Variants in CEP112 observed in about 807,000 individuals in gnomAD.
CEP112 encodes the protein centrosomal protein 112.
In CEP112, 127 loss-of-function variants were observed where a neutral mutation model predicts 153.0. The ratio of observed to expected loss-of-function variants is 0.83; its 90% confidence interval spans 0.72 to 0.96. CEP112 has a LOEUF of 0.96. CEP112 is among the 40% of genes least tolerant of loss of function. CEP112 has a pLI of 0.00. For missense variants in CEP112, 1,089 were observed against 1,101.2 expected (o/e 0.99, Z 0.16); for synonymous variants, 358 against 374.4 (o/e 0.96, Z 0.51).
chr17:65,832,417 G>C (rs1450961062), intron 21 of CEP112, among the ~76,000 whole-genome samples: 1 of 146,400 alleles, frequency 6.8e-6, no homozygotes, highest in African/African-American at 2.5e-5. Context: ...TTTGTTTTTT[G>C]GAAAAAAAAA....
intron 17 of CEP112, among the ~76,000 whole-genome samples, chr17:65,971,183 G>A (rs73338615): frequency 8.0e-6 from 1 of 124,830 alleles, no homozygotes; most frequent in Non-Finnish European, 1.8e-5. Flanking sequence ...CACATGTACA[G>A]CACATGCATA....
chr17:66,189,163 T>C (rs983786519), intron 1 of CEP112, among the ~76,000 whole-genome samples: 5 of 152,202 alleles, frequency 3.3e-5, no homozygotes, highest in African/African-American at 9.7e-5. Context: ...ATTTATTATA[T>C]TGGCCATTTA....
intron 1 of CEP112, among the ~76,000 whole-genome samples, chr17:66,185,936 T>C (rs2072912810): frequency 6.6e-6 from 1 of 152,176 alleles, no homozygotes; most frequent in African/African-American, 2.4e-5. Flanking sequence ...CTCTACCCTG[T>C]CTCTGTAAGT....
At chr17:65,938,718 C>A (rs2061426299) in intron 18 of CEP112, among the ~76,000 whole-genome samples, 2 of 152,104 alleles carry the variant, frequency 1.3e-5, no homozygotes, top group African/African-American at 4.8e-5. Context: ...CACACACACA[C>A]AAAAACTGAA....
intron 20 of CEP112, among the ~76,000 whole-genome samples, chr17:65,867,008 AAGG>A (rs1267936730): frequency 6.6e-6 from 1 of 151,802 alleles, no homozygotes; most frequent in Non-Finnish European, 1.5e-5. Context: ...GAGACGAGAG[AAGG>A]AGAAGAGCTG....
At chr17:65,857,985 G>A (rs1011988478) in intron 20 of CEP112, among the ~76,000 whole-genome samples, 1 of 152,106 alleles carries the variant, frequency 6.6e-6, no homozygotes, top group African/African-American at 2.4e-5. Flanking sequence ...AATTTTTATA[G>A]TTTAGGAATT....
At chr17:65,758,893 T>C (rs1237293549) in intron 21 of CEP112, among the ~76,000 whole-genome samples, 1 of 152,130 alleles carries the variant, frequency 6.6e-6, no homozygotes. Context: ...CCAGAGCAAC[T>C]CCATCTTGAA....
chr17:65,954,337 C>T (rs373408296), intron 18 of CEP112, among the ~76,000 whole-genome samples: 2 of 152,248 alleles, frequency 1.3e-5, no homozygotes. Flanking sequence ...CAAGGGAGCA[C>T]CCCATAGGAC....
At chr17:65,640,220 C>G (rs1427618199) in intron 25 of CEP112, among the ~76,000 whole-genome samples, 3 of 129,412 alleles carry the variant, frequency 2.3e-5, no homozygotes. Flanking sequence ...GTGGTGTGAT[C>G]TCGGCTCACT....
intron 23 of CEP112, among the ~76,000 whole-genome samples, chr17:65,707,473 A>G (rs1208062378): frequency 6.6e-6 from 1 of 152,084 alleles, no homozygotes; most frequent in Non-Finnish European, 1.5e-5. Flanking sequence ...AAAGTTCTCC[A>G]ATGACTTACA....
intron 17 of CEP112, among the ~76,000 whole-genome samples, chr17:65,963,299 C>T (rs867636458): frequency 6.5e-4 from 99 of 152,190 alleles, no homozygotes; most frequent in African/African-American, 2.3e-3. Flanking sequence ...TTAACTCACT[C>T]AAACCAAATT....
intron 20 of CEP112, among the ~76,000 whole-genome samples, chr17:65,852,402 C>A (rs1387618918): frequency 9.1e-5 from 1 of 10,976 alleles, no homozygotes; most frequent in African/African-American, 4.1e-4. Flanking sequence ...TCCCTTCCCT[C>A]TCCCTCCCTC....
intron 20 of CEP112, among the ~76,000 whole-genome samples, chr17:65,870,598 C>T (rs1238238669): frequency 2.0e-5 from 3 of 152,032 alleles, no homozygotes; most frequent in East Asian, 3.9e-4. Context: ...AACAAAAATA[C>T]CTTCAAATTG....
intron 6 of CEP112, among the ~76,000 whole-genome samples, chr17:66,125,544 C>G (rs922523319): frequency 1.3e-5 from 2 of 151,630 alleles, no homozygotes; most frequent in African/African-American, 4.8e-5. Flanking sequence ...AGAAAATGGG[C>G]AGGTTTCTAA....
chr17:66,159,434 C>T (rs1028283476), intron 4 of CEP112, among the ~76,000 whole-genome samples: 5 of 152,082 alleles, frequency 3.3e-5, no homozygotes, highest in African/African-American at 1.2e-4. Context: ...TGATGAACAT[C>T]GATGCAAAAA....
intron 16 of CEP112, among the ~76,000 whole-genome samples, chr17:66,016,139 A>G (rs4347664): frequency 0.93 from 141,003 of 152,234 alleles, 65,536 homozygotes; most frequent in East Asian, 0.97. Flanking sequence ...CATAGATATC[A>G]TATCTTCTTG....
chr17:65,933,420 T>C (rs1313349130), intron 18 of CEP112, among the ~76,000 whole-genome samples: 1 of 152,102 alleles, frequency 6.6e-6, no homozygotes, highest in African/African-American at 2.4e-5. Flanking sequence ...AAAGAAAGAA[T>C]TCTGAAAACC....
At chr17:65,874,931 C>T (rs2058774762) in intron 20 of CEP112, among the ~76,000 whole-genome samples, 1 of 152,072 alleles carries the variant, frequency 6.6e-6, no homozygotes, top group Admixed American at 6.5e-5. Flanking sequence ...CCCTATGCTA[C>T]CTTAACTGTT....
chr17:66,009,189 TTGTGTGTGTG>T (rs34971943), intron 16 of CEP112, among the ~76,000 whole-genome samples: 42,991 of 146,480 alleles, frequency 0.29, 7,018 homozygotes, highest in East Asian at 0.72. Context: ...TGTTATCCCT[TTGTGTGTGTG>T]TGTGTGTGTG....
Sources: allele counts gnomAD v4.1 joint callset (sites outside exome capture counted in the v4.1 genomes callset), GRCh38; gene constraint gnomAD v4.1.1; transcripts MANE v1.5; gene names NCBI Gene and HGNC (gene_info 2026-07-23, HGNC 2026-07-21).